DNAH12: variants seen among roughly 807,000 people sequenced by gnomAD.
DNAH12 encodes the protein axonemal beta dynein heavy chain 12.
Under a neutral mutation model 371.5 loss-of-function variants are expected in DNAH12, and 285 were observed. That is an observed-to-expected ratio of 0.77 (90% confidence interval 0.70 to 0.85). DNAH12 has a LOEUF of 0.85. Ranked by LOEUF, DNAH12 falls within the 40% of genes least tolerant of loss-of-function variation. DNAH12 has a pLI of 0.00. For synonymous variants in DNAH12, 1,200 were observed against 1,213.0 expected (o/e 0.99, Z 0.22); for missense variants, 3,611 against 3,689.4 (o/e 0.98, Z 0.55).
intron 60 of DNAH12, among the ~76,000 whole-genome samples, chr3:57,345,971 A>G (rs1307461472): frequency 1.3e-5 from 2 of 152,082 alleles, no homozygotes; most frequent in Non-Finnish European, 2.9e-5. Flanking sequence ...TCTGTGTATA[A>G]GTGGACTGCT....
chr3:57,543,555 C>G (rs1207799978), intron 1 of DNAH12, among the ~76,000 whole-genome samples: 1 of 150,302 alleles, frequency 6.7e-6, no homozygotes, highest in East Asian at 2.0e-4. Context: ...CTCCTGACCT[C>G]AGATGATTTC....
At position 57,403,383 on chromosome 3, in the gene DNAH12, T is replaced by C; in HGVS notation, c.6874A>G (p.Met2292Val). ...RQSLTRLATS[M>V]AKMHIFQPEI... ...GGTTGGAAAATATGCATTTTTGCCA[T>C]GGATGTAGCCAGACGAGTTAAAGAT... Residue 2292 changes from methionine to valine, a missense_variant, in exon 43 of 74, where the codon ATG becomes GTG. Physicochemically the swap from Met to Val is conservative, Grantham distance 21 (BLOSUM62 1). Coordinates refer to ENST00000495027, the MANE Select transcript of DNAH12 (RefSeq NM_001366028.2). 1.3e-6 allele frequency: 2 copies of C among 1,551,122 alleles called. No homozygotes were observed. Among genetic ancestry groups the C allele is most frequent in the Non-Finnish European group, 1.7e-6 (2 of 1,146,662 alleles).
At chr3:57,528,452 G>A (rs540560406) in intron 2 of DNAH12, among the ~76,000 whole-genome samples, 7 of 151,498 alleles carry the variant, frequency 4.6e-5, no homozygotes, top group Admixed American at 1.3e-4. Context: ...TGGGCCAGGC[G>A]CGGTGGCTCA....
Position 57,509,257 on chromosome 3 carries a change from A to G in DNAH12, c.470-45T>C, listed in dbSNP as rs1287085314. On this transcript the variant is annotated intron_variant, in intron 5 of 73. Transcript: ENST00000495027. ...TAATGCTTCTTGAAAATCTCTGCAC[A>G]ATCTATTAATATCAAAGTTTCTAAC... 5 of 1,533,194 alleles carry G rather than the reference A, an allele frequency of 3.3e-6. No individual in the cohort carries two copies. The African/African-American group carries it at 6.9e-5, about 21-fold the overall frequency. 95.0% of individuals were successfully genotyped at this position (1,533,194 alleles called of 1,614,324 possible).
chr3:57,504,404 C>CATAT (rs767515636), intron 8 of DNAH12, among the ~76,000 whole-genome samples, 200 bp from the exon 9 acceptor site: 2 of 139,848 alleles, frequency 1.4e-5, no homozygotes, highest in African/African-American at 5.4e-5. Context: ...CACACACACA[C>CATAT]ATATATATAT....
At chr3:57,554,170 T>C in the DNAH12 span, among the ~76,000 whole-genome samples, 2,329 of 107,022 alleles carry the variant, frequency 0.022, 49 homozygotes, top group African/African-American at 0.056. Flanking sequence ...ACCTGTAATC[T>C]CAGCTACTTG....
chr3:57,429,717 C>G lies in DNAH12; in HGVS notation c.5038G>C (p.Glu1680Gln). Reference sequence around the variant, plus strand: ...GATGCCTGGGAAAGGTCCATTGTTTCAAAGATGAGGCTCATTTGGGGGGAC... The same window carrying G: ...GATGCCTGGGAAAGGTCCATTGTTTGAAAGATGAGGCTCATTTGGGGGGAC... ...QMSPQMSLIFETMDLSQASPA... is the reference protein window; with the variant it reads ...QMSPQMSLIFQTMDLSQASPA... The change falls in exon 33 of 74, where the codon GAA becomes CAA. Residue 1680 changes from glutamate (E) to glutamine (Q), a missense_variant. By Grantham distance (29) the Glu-to-Gln change is conservative. Around this residue, in one of 3 missense-constraint regions of DNAH12, gnomAD observed 2,266 missense variants for 2,236.9 expected, o/e 1.01. Transcript: ENST00000495027. 1 of 1,535,846 alleles carries G rather than the reference C, an allele frequency of 6.5e-7. No homozygotes were observed. Among genetic ancestry groups the G allele is most frequent in the Non-Finnish European group, 8.8e-7 (1 of 1,141,296 alleles).
intron 28 of DNAH12, among the ~76,000 whole-genome samples, 153 bp downstream of exon 28, chr3:57,445,021 A>G (rs2065437434): frequency 6.6e-6 from 1 of 152,078 alleles, no homozygotes. Context: ...CATATGAAGT[A>G]TAACAACATA....
At chr3:57,295,660 C>A in intron 72 of DNAH12, 68 bp from the exon 73 acceptor site, 3 of 1,349,456 alleles carry the variant, frequency 2.2e-6, no homozygotes, top group South Asian at 1.6e-5. Flanking sequence ...CAGATTGCTA[C>A]TTAGATATTG....
intron 4 of DNAH12, chr3:57,520,036 A>T (rs2068356103): frequency 4.3e-6 from 3 of 697,962 alleles, no homozygotes; most frequent in Non-Finnish European, 7.4e-6. Flanking sequence ...CCGATGGCCG[A>T]CGTTGGGTTG....
chr3:57,351,279 CA>C (rs1329456148), intron 60 of DNAH12, among the ~76,000 whole-genome samples: 1 of 150,172 alleles, frequency 6.7e-6, no homozygotes, highest in Non-Finnish European at 1.5e-5. Flanking sequence ...AACAAACAAA[CA>C]AACAAACAAA....
At chr3:57,441,473 G>GA (rs1371901452) in intron 29 of DNAH12, among the ~76,000 whole-genome samples, 1 of 152,058 alleles carries the variant, frequency 6.6e-6, no homozygotes, top group East Asian at 1.9e-4. Context: ...GGAGAGAGGA[G>GA]AAAAAATTAA....
intron 55 of DNAH12, among the ~76,000 whole-genome samples, 187 bp from the exon 56 acceptor site, chr3:57,368,447 T>C (rs1434793164): frequency 2.6e-5 from 4 of 152,084 alleles, no homozygotes; most frequent in Non-Finnish European, 1.5e-5. Flanking sequence ...TCTTATTTAT[T>C]TTTCAAATGA....
chr3:57,358,240 G>C (rs2062844528), intron 58 of DNAH12, among the ~76,000 whole-genome samples: 1 of 152,158 alleles, frequency 6.6e-6, no homozygotes, highest in Admixed American at 6.5e-5. Context: ...ACTGAAGTTA[G>C]GTGGCATTGG....
At chr3:57,315,864 A>G (rs762360185) in intron 65 of DNAH12, among the ~76,000 whole-genome samples, 1 of 152,166 alleles carries the variant, frequency 6.6e-6, no homozygotes, top group Non-Finnish European at 1.5e-5. Context: ...ACAGGCGAAG[A>G]AGGCTCCTGT....
the DNAH12 span, among the ~76,000 whole-genome samples, chr3:57,549,777 C>G: frequency 2.6e-5 from 4 of 151,800 alleles, no homozygotes; most frequent in Non-Finnish European, 5.9e-5. Flanking sequence ...GCATGAACCA[C>G]CATGCCCAGC....
intron 60 of DNAH12, 139 bp from the exon 61 acceptor site, chr3:57,335,079 A>G: frequency 1.1e-6 from 1 of 903,520 alleles, no homozygotes; most frequent in South Asian, 2.0e-5. Flanking sequence ...AACTGGACAA[A>G]ATTAATGAAA....
chr3:57,329,779 C>T (rs1346087998), intron 62 of DNAH12, among the ~76,000 whole-genome samples: 4 of 151,752 alleles, frequency 2.6e-5, no homozygotes, highest in Admixed American at 1.3e-4. Context: ...ACAGGCAACC[C>T]ACAAAATGGG....
Position 57,527,002 on chromosome 3 carries a change from T to C in DNAH12, c.171-3118A>G, listed in dbSNP as rs550929683. 3.0e-4 allele frequency among the ~76,000 whole-genome samples: 46 copies of C among 152,230 alleles called. 1 individual carries two copies. Among genetic ancestry groups the C allele is most frequent in the Admixed American group, 2.6e-3 (39 of 15,278 alleles). ...GGCACCCACCGCCACACCCAGCTAA[T>C]TTGTGTATTTTTATCAGAGACAGGG... On this transcript the variant is annotated intron_variant, in intron 2 of 73. Coordinates refer to ENST00000495027, the MANE Select transcript of DNAH12 (RefSeq NM_001366028.2).
Sources: gnomAD v4.1 joint callset for allele counts (sites outside exome capture counted in the v4.1 genomes callset) on GRCh38, gnomAD v4.1.1 for gene constraint, gnomAD v4.1.1 regional missense constraint, MANE v1.5 for transcripts, NCBI Gene and HGNC (gene_info 2026-07-23, HGNC 2026-07-21) for gene names.